The following ARHGEF4 variants were observed in gnomAD, a reference collection of about 807,000 sequenced individuals.
ARHGEF4 encodes Rho guanine nucleotide exchange factor 4.
In ARHGEF4, 119 loss-of-function variants were observed where a neutral mutation model predicts 162.0. That is an observed-to-expected ratio of 0.73 (90% CI 0.63 to 0.86). ARHGEF4 has a LOEUF of 0.86. ARHGEF4 is among the 40% of genes least tolerant of loss of function. The probability of loss-of-function intolerance (pLI) is 0.00; values close to 1 mark genes in which losing one functional copy is unlikely to be tolerated. For missense variants in ARHGEF4, 2,488 were observed against 2,456.0 expected, an observed-to-expected ratio of 1.01 and a Z score of -0.28; for synonymous variants, 1,014 against 979.9, an observed-to-expected ratio of 1.03 and a Z score of -0.65.
At chr2:130,893,692 A>G (rs1679990946) in intron 1 of ARHGEF4, among the ~76,000 whole-genome samples, 1 of 152,174 alleles carries the variant, frequency 6.6e-6, no homozygotes, top group Non-Finnish European at 1.5e-5. Context: ...CAGAGCAAGA[A>G]TGGAGTTGAA....
At position 130,930,901 on chromosome 2, in the gene ARHGEF4, T is replaced by A; in HGVS notation, c.3553-51T>A. ...CAGAGGAAGGACAGCGTGTTCCCAGTTGATATGTCCTTTGACCTCTGACCC... is the reference window on the plus strand; with the variant it reads ...CAGAGGAAGGACAGCGTGTTCCCAGATGATATGTCCTTTGACCTCTGACCC... On this transcript the variant is annotated intron_variant, in intron 2 of 13. Coordinates refer to ENST00000409359, the MANE Select transcript of ARHGEF4 (RefSeq NM_001367493.1). The A allele has an allele frequency of 2.6e-6, 4 of 1,529,114 alleles. No individual in the cohort carries two copies. In the South Asian group the frequency reaches 3.7e-5, roughly 14 times the overall value. The allele number at this position is 1,529,114 out of a possible 1,614,324, so 94.7% of individuals were successfully genotyped here.
At chr2:130,869,555 G>C (rs1678319599) in intron 1 of ARHGEF4, among the ~76,000 whole-genome samples, 1 of 152,230 alleles carries the variant, frequency 6.6e-6, no homozygotes, top group South Asian at 2.1e-4. Flanking sequence ...GGCAGTGCTT[G>C]AATCTGTGAT....
At chr2:130,847,355 A>G (rs1681058976) in intron 1 of ARHGEF4, among the ~76,000 whole-genome samples, 1 of 152,198 alleles carries the variant, frequency 6.6e-6, no homozygotes, top group Non-Finnish European at 1.5e-5. Context: ...GGGGGAAATT[A>G]TTGAGCCCTC....
intron 3 of ARHGEF4, among the ~76,000 whole-genome samples, chr2:130,946,135 G>T (rs1683600631): frequency 6.6e-6 from 1 of 152,230 alleles, no homozygotes; most frequent in Admixed American, 6.5e-5. Context: ...TTCGTGAGTT[G>T]TGTTTTAATG....
chr2:130,986,680 G>A lies in ARHGEF4; in HGVS notation c.3985+40045G>A, dbSNP rs572157732. ...CCACCAGCAGCAACTTGGGCCCAGCGGGAAGAATGAAGAGTCGCCCTAAGC... is the reference window on the plus strand; with the variant it reads ...CCACCAGCAGCAACTTGGGCCCAGCAGGAAGAATGAAGAGTCGCCCTAAGC... On this transcript the variant is annotated intron_variant, in intron 4 of 13. Coordinates refer to ENST00000409359, the MANE Select transcript of ARHGEF4 (RefSeq NM_001367493.1). Among the ~76,000 whole-genome samples, 9 of 152,288 alleles carry A rather than the reference G, an allele frequency of 5.9e-5. No individual in the cohort carries two copies. In the East Asian group the frequency reaches 7.7e-4, roughly 13 times the overall value.
chr2:131,042,568 AAATC>A (rs1344264670), intron 10 of ARHGEF4, among the ~76,000 whole-genome samples: 1 of 152,142 alleles, frequency 6.6e-6, no homozygotes, highest in African/African-American at 2.4e-5. Flanking sequence ...AATGGCCTGG[AAATC>A]AATCAGTATC....
chr2:130,860,602 C>T lies in ARHGEF4; in HGVS notation c.39+23610C>T, dbSNP rs1319241061. 1.1e-4 allele frequency among the ~76,000 whole-genome samples: 13 copies of T among 116,072 alleles called. 2 individuals are homozygous for T. The South Asian group carries it at 1.2e-3, about 10-fold the overall frequency. 76.1% of individuals were successfully genotyped at this position (116,072 alleles called of 152,430 possible). A position where few individuals can be genotyped will look rare whatever the true frequency, so the allele number is the denominator to read the frequency against. On this transcript the variant is annotated intron_variant, in intron 1 of 13. Transcript: ENST00000409359. ...GCGGGCGCCTGTAGTCCCAGCTACTCGGGAGGCCGAGGCAGAAGAATGGTG... is the reference window on the plus strand; with the variant it reads ...GCGGGCGCCTGTAGTCCCAGCTACTTGGGAGGCCGAGGCAGAAGAATGGTG...
intron 1 of ARHGEF4, among the ~76,000 whole-genome samples, chr2:130,903,739 C>G (rs1219520684): frequency 6.6e-6 from 1 of 152,166 alleles, no homozygotes; most frequent in Non-Finnish European, 1.5e-5. Context: ...CTGTGTGTAC[C>G]TAGTGTTTAG....
intron 4 of ARHGEF4, among the ~76,000 whole-genome samples, chr2:131,005,178 G>A (rs1688039676): frequency 6.6e-6 from 1 of 152,190 alleles, no homozygotes; most frequent in South Asian, 2.1e-4. Flanking sequence ...GGATGGGGCT[G>A]GAAGCCATCC....
chr2:131,002,202 T>G (rs2105312726), intron 4 of ARHGEF4, among the ~76,000 whole-genome samples: 1 of 152,298 alleles, frequency 6.6e-6, no homozygotes, highest in Non-Finnish European at 1.5e-5. Context: ...TGTTTAAAAA[T>G]TTAAAAGCTT....
chr2:131,045,290 C>G, intron 12 of ARHGEF4, 79 bp from the exon 13 acceptor site: 1 of 1,319,208 alleles, frequency 7.6e-7, no homozygotes, highest in Non-Finnish European at 1.1e-6. Flanking sequence ...CCCTGGGCAC[C>G]AGGAAGGTGC....
At chr2:131,032,367 C>T (rs1689909354) in intron 5 of ARHGEF4, among the ~76,000 whole-genome samples, 1 of 152,008 alleles carries the variant, frequency 6.6e-6, no homozygotes, top group African/African-American at 2.4e-5. Flanking sequence ...TGACTCGCTC[C>T]AGGTGTTTTT....
rs1348472137 is a variant in ARHGEF4, at chr2:130,917,104, TGGCGTCCCCC to T, written c.3162_3171del (p.Ser1055AlafsTer38). 1.9e-6 allele frequency: 3 copies of T among 1,550,404 alleles called. No homozygotes were observed. The African/African-American group carries it at 4.1e-5, about 21-fold the overall frequency. ...GGTATCTTTCCGGAAAAGTCCTGGCTGGCGTCCCCCGGCAGCCCTCGGGCCCAGCAGGCTG... is the reference window on the plus strand; with the variant it reads ...GGTATCTTTCCGGAAAAGTCCTGGCTGGCAGCCCTCGGGCCCAGCAGGCTG... On this transcript the variant is annotated frameshift_variant, in exon 2 of 14. Coordinates refer to ENST00000409359, the MANE Select transcript of ARHGEF4 (RefSeq NM_001367493.1). LOFTEE classifies it high-confidence loss of function.
intron 4 of ARHGEF4, among the ~76,000 whole-genome samples, chr2:131,017,662 G>C (rs1203431104): frequency 6.6e-6 from 1 of 152,200 alleles, no homozygotes; most frequent in African/African-American, 2.4e-5. Context: ...AAGTGTAGCA[G>C]CAAGACAGAG....
chr2:130,959,546 A>G (rs1311025246), intron 4 of ARHGEF4, among the ~76,000 whole-genome samples: 2 of 152,226 alleles, frequency 1.3e-5, no homozygotes, highest in Non-Finnish European at 2.9e-5. Flanking sequence ...TGTAGATATT[A>G]AATAGTATAT....
At chr2:130,903,828 T>G (rs1422134331) in intron 1 of ARHGEF4, among the ~76,000 whole-genome samples, 1 of 152,214 alleles carries the variant, frequency 6.6e-6, no homozygotes, top group African/African-American at 2.4e-5. Flanking sequence ...GGCCTCTAGC[T>G]CCATCCATTT....
At chr2:131,007,107 T>G (rs1332780796) in intron 4 of ARHGEF4, among the ~76,000 whole-genome samples, 1 of 152,244 alleles carries the variant, frequency 6.6e-6, no homozygotes, top group Non-Finnish European at 1.5e-5. Context: ...GCGTTTGTCA[T>G]GGAGACTGCT....
At chr2:130,934,994 C>G (rs1350189586) in intron 3 of ARHGEF4, among the ~76,000 whole-genome samples, 3 of 152,166 alleles carry the variant, frequency 2.0e-5, no homozygotes, top group Non-Finnish European at 4.4e-5. Context: ...AGTAATGCCT[C>G]CACTCTCATT....
chr2:130,866,338 T>A (rs1046467844), intron 1 of ARHGEF4, among the ~76,000 whole-genome samples: 1 of 152,136 alleles, frequency 6.6e-6, no homozygotes. Flanking sequence ...GAGCCAAGTT[T>A]GTGCCACTGC....
Sources: allele counts gnomAD v4.1 joint callset (sites outside exome capture counted in the v4.1 genomes callset), GRCh38; gene constraint gnomAD v4.1.1; transcripts MANE v1.5; gene names NCBI Gene and HGNC (gene_info 2026-07-23, HGNC 2026-07-21).